The following SUGCT variants were observed in gnomAD, a reference collection of about 807,000 sequenced individuals.
The protein encoded by SUGCT is succinyl-CoA:glutarate-CoA transferase.
In SUGCT, 41 loss-of-function variants were observed where a neutral mutation model predicts 55.0. The observed-to-expected ratio is 0.74, with a 90% CI of 0.58 to 0.97. The LOEUF (loss-of-function observed/expected upper bound fraction) is 0.97. Among genes scored for constraint, SUGCT ranks in the 50% least tolerant of loss-of-function variants. The probability of loss-of-function intolerance (pLI) is 0.00; values close to 1 mark genes in which losing one functional copy is unlikely to be tolerated. For synonymous variants in SUGCT, 187 were observed against 200.4 expected, an observed-to-expected ratio of 0.93 and a Z score of 0.56; for missense variants, 568 against 547.8, an observed-to-expected ratio of 1.04 and a Z score of -0.37.
intron 12 of SUGCT, among the ~76,000 whole-genome samples, chr7:40,622,598 C>A (rs1360156998): frequency 7.3e-6 from 1 of 136,114 alleles, no homozygotes; most frequent in Non-Finnish European, 1.5e-5. Context: ...CACATATATG[C>A]ATACTGCTAT....
chr7:40,613,915 G>A (rs897424879), intron 12 of SUGCT, among the ~76,000 whole-genome samples: 3 of 152,110 alleles, frequency 2.0e-5, no homozygotes, highest in Non-Finnish European at 4.4e-5. Flanking sequence ...CCTGCACCCA[G>A]TATTTCTAAC....
chr7:40,645,158 G>C (rs932863418), intron 12 of SUGCT, among the ~76,000 whole-genome samples: 1 of 152,186 alleles, frequency 6.6e-6, no homozygotes, highest in African/African-American at 2.4e-5. Context: ...CTGAACTGCT[G>C]GTGGCTGTTA....
At chr7:40,436,894 G>T (rs1238762610) in intron 9 of SUGCT, among the ~76,000 whole-genome samples, 3 of 151,906 alleles carry the variant, frequency 2.0e-5, no homozygotes, top group Non-Finnish European at 4.4e-5. Flanking sequence ...AATCAATATG[G>T]TCTCTTGTCT....
At chr7:40,314,807 A>C (rs1584657294) in intron 8 of SUGCT, among the ~76,000 whole-genome samples, 1 of 151,932 alleles carries the variant, frequency 6.6e-6, no homozygotes, top group Admixed American at 6.5e-5. Context: ...TAGGTGATCC[A>C]CCTGCCTCGG....
intron 11 of SUGCT, among the ~76,000 whole-genome samples, chr7:40,485,211 CAT>C (rs1382245106): frequency 6.6e-6 from 1 of 151,854 alleles, no homozygotes; most frequent in Non-Finnish European, 1.5e-5. Flanking sequence ...ATTCAAAACT[CAT>C]GTGTATTGTA....
intron 9 of SUGCT, among the ~76,000 whole-genome samples, chr7:40,383,215 A>G (rs1363593213): frequency 2.0e-5 from 3 of 152,154 alleles, no homozygotes; most frequent in African/African-American, 7.2e-5. Context: ...AATTATATAC[A>G]TATTTTATGC....
At chr7:40,199,046 T>TGTG (rs200768030) in intron 6 of SUGCT, among the ~76,000 whole-genome samples, 1 of 146,424 alleles carries the variant, frequency 6.8e-6, no homozygotes, top group African/African-American at 2.6e-5. Context: ...TGTGTGTGTG[T>TGTG]TTTTTTTTTA....
chr7:40,544,612 T>A (rs1794893308), intron 12 of SUGCT, among the ~76,000 whole-genome samples: 1 of 152,184 alleles, frequency 6.6e-6, no homozygotes. Context: ...CTGTCAATTT[T>A]CCCTTGTGTA....
the SUGCT span, among the ~76,000 whole-genome samples, chr7:40,869,258 T>C: frequency 6.6e-6 from 1 of 152,210 alleles, no homozygotes. Flanking sequence ...ATCACATGAG[T>C]CCTTTAAACC....
At chr7:40,809,749 C>T (rs538221290) in intron 13 of SUGCT, among the ~76,000 whole-genome samples, 2 of 152,160 alleles carry the variant, frequency 1.3e-5, no homozygotes, top group South Asian at 2.1e-4. Flanking sequence ...GCATAGTACT[C>T]AACAGTTAGT....
At chr7:40,858,647 A>T (rs956696786) in intron 13 of SUGCT, among the ~76,000 whole-genome samples, 1 of 152,144 alleles carries the variant, frequency 6.6e-6, no homozygotes, top group African/African-American at 2.4e-5. Flanking sequence ...CAGATGCCTA[A>T]ACCATCACAT....
At chr7:40,773,492 G>A (rs568291875) in intron 13 of SUGCT, among the ~76,000 whole-genome samples, 3 of 152,132 alleles carry the variant, frequency 2.0e-5, no homozygotes, top group South Asian at 2.1e-4. Context: ...TCTCACATAC[G>A]ATTTGTTTCC....
chr7:40,752,805 C>T (rs1480988796), intron 13 of SUGCT, among the ~76,000 whole-genome samples: 1 of 152,210 alleles, frequency 6.6e-6, no homozygotes, highest in East Asian at 1.9e-4. Flanking sequence ...ACAGAGTTCT[C>T]AGATCCACAG....
chr7:40,710,218 G>A (rs1028795642), intron 12 of SUGCT, among the ~76,000 whole-genome samples: 5 of 152,044 alleles, frequency 3.3e-5, no homozygotes, highest in Admixed American at 2.6e-4. Flanking sequence ...TTAACTATAC[G>A]GCGGACCACC....
the SUGCT span, among the ~76,000 whole-genome samples, chr7:40,898,676 A>T: frequency 6.6e-6 from 1 of 151,802 alleles, no homozygotes; most frequent in Non-Finnish European, 1.5e-5. Flanking sequence ...GTGAGCAGAG[A>T]TCGCGCCGCG....
At chr7:40,885,528 G>C in the SUGCT span, among the ~76,000 whole-genome samples, 1 of 152,082 alleles carries the variant, frequency 6.6e-6, no homozygotes, top group African/African-American at 2.4e-5. Context: ...TCCCCAGCCA[G>C]ACAGCCCAGG....
the SUGCT span, among the ~76,000 whole-genome samples, chr7:40,949,085 T>A: frequency 6.6e-6 from 1 of 152,208 alleles, no homozygotes; most frequent in Non-Finnish European, 1.5e-5. Flanking sequence ...TGTAAAAGCA[T>A]TCCTAGTTCT....
chr7:40,504,155 G>C (rs1792456637), intron 12 of SUGCT, among the ~76,000 whole-genome samples: 1 of 152,146 alleles, frequency 6.6e-6, no homozygotes, highest in Admixed American at 6.5e-5. Context: ...GTAAGTTCTG[G>C]AGACTTAAAG....
intron 12 of SUGCT, among the ~76,000 whole-genome samples, chr7:40,748,532 T>G (rs1199769035): frequency 6.6e-6 from 1 of 151,880 alleles, no homozygotes; most frequent in Non-Finnish European, 1.5e-5. Context: ...TTGTTTAGTT[T>G]TTTTATGATT....
Sources: gnomAD v4.1 joint callset for allele counts (sites outside exome capture counted in the v4.1 genomes callset) on GRCh38, gnomAD v4.1.1 for gene constraint, MANE v1.5 for transcripts, NCBI Gene and HGNC (gene_info 2026-07-23, HGNC 2026-07-21) for gene names.